Variants in CYB5R4 observed in about 807,000 individuals in gnomAD.
The protein encoded by CYB5R4 is cytochrome b5 reductase 4.
CYB5R4 carries 55 observed loss-of-function variants against 70.2 expected under a neutral mutation model. The observed-to-expected ratio is 0.78, with a 90% confidence interval of 0.63 to 0.98. The LOEUF (loss-of-function observed/expected upper bound fraction) is 0.98. Ranked by LOEUF, CYB5R4 falls within the 50% of genes least tolerant of loss-of-function variation. The probability of loss-of-function intolerance (pLI) is 0.00; values close to 1 mark genes in which losing one functional copy is unlikely to be tolerated. For missense variants in CYB5R4, 562 were observed against 612.6 expected (o/e 0.92, Z 0.87); for synonymous variants, 197 against 199.5 (o/e 0.99, Z 0.11).
chr6:83,955,348 A>G lies in CYB5R4; in HGVS notation c.1397A>G (p.Lys466Arg), dbSNP rs779115199. The G allele has an allele frequency of 1.2e-6, 2 of 1,613,974 alleles. No homozygotes were observed. Among genetic ancestry groups the G allele is most frequent in the South Asian group, 2.2e-5 (2 of 91,074 alleles). ...LSAPISEWNG[K>R]QGHISPALLS... Reference sequence around the variant, plus strand: ...GCACCTATTTCTGAATGGAATGGCAAACAGGGACATATTTCACCAGCTCTT... The same window carrying G: ...GCACCTATTTCTGAATGGAATGGCAGACAGGGACATATTTCACCAGCTCTT... Residue 466 changes from lysine to arginine, a missense_variant, in exon 15 of 16, where the codon AAA (lysine) becomes AGA (arginine). By Grantham distance (26) the Lys-to-Arg change is conservative. Coordinates refer to ENST00000369681, the MANE Select transcript of CYB5R4 (RefSeq NM_016230.4).
intron 14 of CYB5R4, among the ~76,000 whole-genome samples, chr6:83,948,906 C>T (rs886073959): frequency 1.2e-4 from 19 of 152,020 alleles, no homozygotes; most frequent in African/African-American, 4.1e-4. Context: ...AGCTTGCTGA[C>T]GGAAGTGATA....
chr6:83,910,319 G>C (rs2099464481), intron 4 of CYB5R4: 1 of 599,494 alleles, frequency 1.7e-6, no homozygotes, highest in Admixed American at 3.0e-5. Context: ...CAAGCTCAGA[G>C]ACTAACTGAT....
intron 2 of CYB5R4, among the ~76,000 whole-genome samples, chr6:83,884,404 A>C (rs1312435544): frequency 6.6e-6 from 1 of 152,052 alleles, no homozygotes; most frequent in Non-Finnish European, 1.5e-5. Flanking sequence ...TCTGATAAAA[A>C]GGATTATGAG....
At chr6:83,879,834 C>T (rs1240097038) in intron 2 of CYB5R4, among the ~76,000 whole-genome samples, 1 of 152,136 alleles carries the variant, frequency 6.6e-6, no homozygotes, top group Non-Finnish European at 1.5e-5. Context: ...GGCTCTAGTG[C>T]GCACTTGGCC....
intron 2 of CYB5R4, among the ~76,000 whole-genome samples, chr6:83,888,433 C>G (rs1588564816): frequency 1.3e-5 from 2 of 152,122 alleles, no homozygotes; most frequent in East Asian, 3.9e-4. Flanking sequence ...CACTTCATGT[C>G]TCTGTGTCAC....
chr6:83,953,063 A>G (rs964677952), intron 14 of CYB5R4, among the ~76,000 whole-genome samples: 3 of 152,120 alleles, frequency 2.0e-5, no homozygotes, highest in Admixed American at 6.6e-5. Context: ...GATGTTCCTC[A>G]GATGTTGTGT....
chr6:83,859,716 C>T lies in CYB5R4; in HGVS notation c.-67C>T, dbSNP rs1230457241. On this transcript the variant is annotated 5_prime_UTR_variant, in exon 1 of 16. Coordinates refer to ENST00000369681, the MANE Select transcript of CYB5R4 (RefSeq NM_016230.4). Reference sequence around the variant, plus strand: ...GCTTGGCCTCTGCCCGGCCACAGAGCCGGAGCTGGAGGTGCTGTCCCGTCT... The same window carrying T: ...GCTTGGCCTCTGCCCGGCCACAGAGTCGGAGCTGGAGGTGCTGTCCCGTCT... The T allele has an allele frequency of 1.9e-6, 3 of 1,562,556 alleles. No homozygotes were observed. Among genetic ancestry groups the T allele is most frequent in the African/African-American group, 1.4e-5 (1 of 73,840 alleles).
At chr6:83,883,871 G>A (rs1373279080) in intron 2 of CYB5R4, among the ~76,000 whole-genome samples, 1 of 152,016 alleles carries the variant, frequency 6.6e-6, no homozygotes, top group Non-Finnish European at 1.5e-5. Flanking sequence ...ACGTGGGAAG[G>A]CATACAATAT....
At chr6:83,870,459 T>C (rs2099457416) in intron 2 of CYB5R4, among the ~76,000 whole-genome samples, 1 of 151,384 alleles carries the variant, frequency 6.6e-6, no homozygotes. Flanking sequence ...TTTTTTTTCC[T>C]AGGTTTCCTT....
At chr6:83,924,942 A>G (rs1410140517) in intron 10 of CYB5R4, among the ~76,000 whole-genome samples, 2 of 152,076 alleles carry the variant, frequency 1.3e-5, no homozygotes, top group Admixed American at 1.3e-4. Context: ...TGTCTGCTTG[A>G]TATTTTTCCT....
intron 5 of CYB5R4, among the ~76,000 whole-genome samples, chr6:83,916,624 T>A (rs1273679168): frequency 6.6e-6 from 1 of 152,178 alleles, no homozygotes; most frequent in African/African-American, 2.4e-5. Context: ...CTCTGAGGCT[T>A]CCTTTGTTTA....
intron 10 of CYB5R4, among the ~76,000 whole-genome samples, chr6:83,927,194 T>A (rs1262359007): frequency 6.6e-6 from 1 of 152,234 alleles, no homozygotes; most frequent in African/African-American, 2.4e-5. Flanking sequence ...TCTTTAAATA[T>A]GTAAAATTAT....
intron 3 of CYB5R4, among the ~76,000 whole-genome samples, chr6:83,906,354 T>G (rs1397218202): frequency 6.6e-6 from 1 of 152,146 alleles, no homozygotes. Context: ...GTGCAGTTTG[T>G]TGGGGCTAGG....
chr6:83,863,296 G>A (rs1313969877), intron 1 of CYB5R4, among the ~76,000 whole-genome samples: 1 of 152,130 alleles, frequency 6.6e-6, no homozygotes, highest in African/African-American at 2.4e-5. Context: ...CACATGTGAA[G>A]ACGATTCTTT....
chr6:83,914,452 A>G lies in CYB5R4; in HGVS notation c.445+4A>G, dbSNP rs1031812708. 7 of 1,517,110 alleles carry G rather than the reference A, an allele frequency of 4.6e-6. No individual in the cohort carries two copies. In the African/African-American group the frequency reaches 7.0e-5, roughly 15 times the overall value. The allele number at this position is 1,517,110 out of a possible 1,614,324, so 94.0% of individuals were successfully genotyped here. A position where few individuals can be genotyped will look rare whatever the true frequency, so the allele number is the denominator to read the frequency against. Reference sequence around the variant, plus strand: ...GAGGAAAAGAAAGTCTTAAATGGTAAGTCTATAAATTTATAATAAATGAAT... The same window carrying G: ...GAGGAAAAGAAAGTCTTAAATGGTAGGTCTATAAATTTATAATAAATGAAT... On this transcript the variant is annotated splice_donor_region_variant and intron_variant, in intron 5 of 15. Transcript: ENST00000369681.
At chr6:83,864,965 GAA>G (rs1478322265) in intron 2 of CYB5R4, among the ~76,000 whole-genome samples, 11 of 152,138 alleles carry the variant, frequency 7.2e-5, no homozygotes. Context: ...AAATAAAAAT[GAA>G]AGGCATCCAA....
chr6:83,884,631 A>G (rs567699379), intron 2 of CYB5R4, among the ~76,000 whole-genome samples: 52 of 152,258 alleles, frequency 3.4e-4, no homozygotes, highest in African/African-American at 1.1e-3. Context: ...GTGCAATTTC[A>G]TTACTGAACA....
intron 12 of CYB5R4, 41 bp from the exon 13 acceptor site, chr6:83,940,011 TTTTG>T: frequency 6.9e-7 from 1 of 1,443,622 alleles, no homozygotes; most frequent in Non-Finnish European, 9.4e-7. Context: ...TTGTTTTGTT[TTTTG>T]TTTTTTTTTT....
chr6:83,882,481 A>C (rs1165840040), intron 2 of CYB5R4, among the ~76,000 whole-genome samples: 1 of 152,206 alleles, frequency 6.6e-6, no homozygotes, highest in Non-Finnish European at 1.5e-5. Flanking sequence ...TTAATTGCCT[A>C]CTAAAACAGT....
Sources: allele counts gnomAD v4.1 joint callset (sites outside exome capture counted in the v4.1 genomes callset), GRCh38; gene constraint gnomAD v4.1.1; transcripts MANE v1.5; gene names NCBI Gene and HGNC (gene_info 2026-07-23, HGNC 2026-07-21).